Variants in PCCA observed in about 807,000 individuals in gnomAD.
The protein encoded by PCCA is propionyl-CoA carboxylase alpha chain, mitochondrial.
A neutral mutation model predicts 101.3 loss-of-function variants in PCCA; 74 were observed. That is an observed-to-expected ratio of 0.73 (90% CI 0.61 to 0.89). PCCA has a LOEUF of 0.89. Ranked by LOEUF, PCCA falls within the 40% of genes least tolerant of loss-of-function variation. The pLI is 0.00. For missense variants in PCCA, 891 were observed against 907.0 expected (o/e 0.98, Z 0.23); for synonymous variants, 294 against 313.6 (o/e 0.94, Z 0.66).
intron 18 of PCCA, among the ~76,000 whole-genome samples, chr13:100,348,446 T>G (rs2072607922): frequency 6.6e-6 from 1 of 152,204 alleles, no homozygotes; most frequent in African/African-American, 2.4e-5. Context: ...CATGAAGGCT[T>G]CTTTTTAATA....
intron 19 of PCCA, among the ~76,000 whole-genome samples, chr13:100,400,627 G>GTTTTTTTTTTTTTTTTTTTTTTTTT (rs763331038): frequency 1.2e-5 from 1 of 80,248 alleles, no homozygotes; most frequent in African/African-American, 6.5e-5. Context: ...GTTCTTTTTA[G>GTTTTTTTTTTTTTTTTTTTTTTTTT]TTCTTTTTTT....
chr13:100,099,434 CAGTCT>C (rs1400706525), intron 1 of PCCA, among the ~76,000 whole-genome samples: 2 of 151,454 alleles, frequency 1.3e-5, no homozygotes, highest in Non-Finnish European at 2.9e-5. Flanking sequence ...TCTCCCGCCT[CAGTCT>C]CCCGAGTAGC....
intron 4 of PCCA, among the ~76,000 whole-genome samples, chr13:100,145,118 A>G (rs1284718772): frequency 6.6e-6 from 1 of 152,252 alleles, no homozygotes; most frequent in Non-Finnish European, 1.5e-5. Context: ...CATCTCTAAG[A>G]CATTAAAAAT....
chr13:100,442,375 C>T (rs1185147478), intron 20 of PCCA, among the ~76,000 whole-genome samples: 1 of 152,156 alleles, frequency 6.6e-6, no homozygotes, highest in Non-Finnish European at 1.5e-5. Flanking sequence ...GTAATTGTGA[C>T]CTGCTTTAAA....
intron 21 of PCCA, among the ~76,000 whole-genome samples, chr13:100,495,967 T>TTC (rs58145817): frequency 2.6e-4 from 39 of 150,538 alleles, no homozygotes; most frequent in Non-Finnish European, 4.3e-4. Context: ...ATTCCTCTCT[T>TTC]TCTCTCTCTC....
At position 100,416,539 on chromosome 13, in the gene PCCA, T is replaced by C. The variant is rs1002427177; in HGVS notation, c.1747-9094T>C. Among the ~76,000 whole-genome samples, 26 of 150,950 alleles carry C rather than the reference T, an allele frequency of 1.7e-4. 1 individual carries two copies. Among genetic ancestry groups the C allele is most frequent in the Middle Eastern group, 3.4e-3 (1 of 290 alleles). ...GTGTGTGTGTGTGTGTGTGTGTGTATGTATTTTTTTTTTTATGGAGTCTTG... is the reference window on the plus strand; with the variant it reads ...GTGTGTGTGTGTGTGTGTGTGTGTACGTATTTTTTTTTTTATGGAGTCTTG... On this transcript the variant is annotated intron_variant, in intron 19 of 23. Coordinates refer to ENST00000376285, the MANE Select transcript of PCCA (RefSeq NM_000282.4).
intron 9 of PCCA, among the ~76,000 whole-genome samples, chr13:100,261,013 A>G (rs917984780): frequency 1.3e-5 from 2 of 152,126 alleles, no homozygotes; most frequent in Admixed American, 6.5e-5. Context: ...TACTAGATGG[A>G]CCATTTGCAA....
At chr13:100,210,663 G>GT (rs569950084) in intron 7 of PCCA, among the ~76,000 whole-genome samples, 15 of 152,236 alleles carry the variant, frequency 9.9e-5, no homozygotes, top group Admixed American at 2.0e-4. Context: ...AAATTATTCT[G>GT]TTTTTTTCTA....
chr13:100,140,209 A>G (rs547827490), intron 4 of PCCA, among the ~76,000 whole-genome samples: 5 of 152,194 alleles, frequency 3.3e-5, no homozygotes, highest in African/African-American at 9.6e-5. Flanking sequence ...CTGCTGTTCA[A>G]ATTTTGTGTT....
At chr13:100,107,573 G>A (rs773618590) in intron 2 of PCCA, among the ~76,000 whole-genome samples, 18 of 152,118 alleles carry the variant, frequency 1.2e-4, no homozygotes, top group Non-Finnish European at 2.2e-4. Flanking sequence ...AGTGTTTAGA[G>A]CTTGCATTGT....
intron 19 of PCCA, among the ~76,000 whole-genome samples, chr13:100,400,997 C>T: frequency 6.6e-6 from 1 of 152,030 alleles, no homozygotes; most frequent in East Asian, 1.9e-4. Flanking sequence ...AAAGAAAGTG[C>T]TTTTCTTTAG....
chr13:100,467,181 G>A (rs561051116), intron 21 of PCCA, among the ~76,000 whole-genome samples: 1 of 152,270 alleles, frequency 6.6e-6, no homozygotes, highest in East Asian at 1.9e-4. Flanking sequence ...AACAAATGTG[G>A]CTTCCTTCAC....
chr13:100,417,003 C>T (rs2078418678), intron 19 of PCCA, among the ~76,000 whole-genome samples: 1 of 152,020 alleles, frequency 6.6e-6, no homozygotes, highest in Non-Finnish European at 1.5e-5. Flanking sequence ...GCCACCACGC[C>T]TGGCTAATTT....
At chr13:100,332,238 G>A (rs771670023) in intron 17 of PCCA, among the ~76,000 whole-genome samples, 15 of 152,094 alleles carry the variant, frequency 9.9e-5, no homozygotes, top group Non-Finnish European at 1.6e-4. Flanking sequence ...GTACCTGGCC[G>A]CTACTTTGGA....
chr13:100,437,050 C>G (rs2783226), intron 20 of PCCA, among the ~76,000 whole-genome samples: 23,099 of 152,126 alleles, frequency 0.15, 2,238 homozygotes, highest in African/African-American at 0.28. Context: ...CTGTTTTAGG[C>G]CCACAGTATC....
At chr13:100,425,594 C>CT in intron 19 of PCCA, 39 bp from the exon 20 acceptor site, 1 of 1,392,904 alleles carries the variant, frequency 7.2e-7, no homozygotes, top group Middle Eastern at 1.8e-4. Flanking sequence ...AGTTTTCTGT[C>CT]TTTCTTCATG....
rs1555454057 is a variant in PCCA, at chr13:100,422,070, TTTTCTTTCTTTC to T, written c.1747-3523_1747-3512del. The stretch of plus-strand genomic sequence containing the variant: ...TCTTTTCCTTTTCTCTTCTCTTTTC[TTTTCTTTCTTTC>T]TTTCTTTCTTTCTTTCTTTCTTTCT... On this transcript the variant is annotated intron_variant, in intron 19 of 23. Coordinates refer to ENST00000376285, the MANE Select transcript of PCCA (RefSeq NM_000282.4). Among the ~76,000 whole-genome samples, 489 of 110,704 alleles carry T rather than the reference TTTTCTTTCTTTC, an allele frequency of 4.4e-3. 5 individuals are homozygous for T. The highest frequency in any genetic ancestry group is 8.0e-3 in the Admixed American group (79 of 9,840). 72.6% of individuals were successfully genotyped at this position (110,704 alleles called of 152,430 possible).
At chr13:100,201,501 T>A (rs1482619100) in intron 6 of PCCA, among the ~76,000 whole-genome samples, 4 of 152,062 alleles carry the variant, frequency 2.6e-5, no homozygotes, top group African/African-American at 4.8e-5. Flanking sequence ...TTTAAAAAAA[T>A]TTTTGCCTAA....
rs558577042 is a variant in PCCA at position 100,347,252 on chromosome 13, C to T, written c.1643+6993C>T. On this transcript the variant is annotated intron_variant, in intron 18 of 23. Transcript: ENST00000376285. ...TTAATAGACTACAACACAGTGTAAA[C>T]GTAACTTTTATACACATTGGAAAAG... is the stretch of plus-strand genomic sequence containing the variant. Among the ~76,000 whole-genome samples, 21 of 152,228 alleles carry T rather than the reference C, an allele frequency of 1.4e-4. No homozygotes were observed. In the East Asian group the frequency reaches 3.5e-3, roughly 25 times the overall value.
Sources: allele counts gnomAD v4.1 joint callset (sites outside exome capture counted in the v4.1 genomes callset), GRCh38; gene constraint gnomAD v4.1.1; transcripts MANE v1.5; gene names NCBI Gene and HGNC (gene_info 2026-07-23, HGNC 2026-07-21).